PPARGC1A: variants seen among roughly 807,000 people sequenced by gnomAD.
PPARGC1A encodes peroxisome proliferator-activated receptor gamma coactivator 1-alpha.
In PPARGC1A, 25 loss-of-function variants were observed where a neutral mutation model predicts 88.7. The observed-to-expected ratio is 0.28, with a 90% CI of 0.21 to 0.39. The LOEUF (loss-of-function observed/expected upper bound fraction) is 0.39, where lower values mean the gene tolerates loss of function less well. PPARGC1A is among the 10% of genes least tolerant of loss of function. The pLI, the probability that PPARGC1A is intolerant of heterozygous loss-of-function variation, is 1.00. For synonymous variants in PPARGC1A, 363 were observed against 355.6 expected (o/e 1.02, Z -0.24); for missense variants, 880 against 968.7 (o/e 0.91, Z 1.22).
the PPARGC1A span, among the ~76,000 whole-genome samples, chr4:24,228,580 C>T: frequency 6.6e-6 from 1 of 151,944 alleles, no homozygotes; most frequent in South Asian, 2.1e-4. Context: ...CATGCATATC[C>T]CAAACCTCAG....
chr4:23,941,162 C>T, the PPARGC1A span, among the ~76,000 whole-genome samples: 6 of 152,160 alleles, frequency 3.9e-5, no homozygotes, highest in African/African-American at 1.4e-4. Context: ...AGCCATCCTC[C>T]CACCTTAGCC....
chr4:24,287,484 T>C, the PPARGC1A span, among the ~76,000 whole-genome samples: 1 of 152,140 alleles, frequency 6.6e-6, no homozygotes, highest in Non-Finnish European at 1.5e-5. Flanking sequence ...GCCACTTATC[T>C]ATGAATAAGG....
chr4:23,825,454 A>G lies in PPARGC1A; in HGVS notation c.758-946T>C, dbSNP rs141739431. ...AATGAAAATCATAGTGTCAAAACCA[A>G]AAAGGTCTTTAGAATAAAGTTTCTT... On this transcript the variant is annotated intron_variant, in intron 5 of 12. Coordinates refer to ENST00000264867, the MANE Select transcript of PPARGC1A (RefSeq NM_013261.5). 2.6e-5 allele frequency among the ~76,000 whole-genome samples: 4 copies of G among 152,254 alleles called. No individual in the cohort carries two copies. In the East Asian group the frequency reaches 7.7e-4, roughly 29 times the overall value.
chr4:24,336,734 C>T, the PPARGC1A span, among the ~76,000 whole-genome samples: 1 of 151,982 alleles, frequency 6.6e-6, no homozygotes. Context: ...AGATAGCTGG[C>T]TTTTTGTTTT....
At chr4:24,189,172 T>C in the PPARGC1A span, among the ~76,000 whole-genome samples, 5 of 152,102 alleles carry the variant, frequency 3.3e-5, no homozygotes, top group Admixed American at 2.6e-4. Context: ...TGAAAAATCA[T>C]CTGTTAGAGC....
the PPARGC1A span, among the ~76,000 whole-genome samples, chr4:24,438,923 A>G: frequency 1.1e-4 from 17 of 152,182 alleles, no homozygotes; most frequent in Admixed American, 3.9e-4. Context: ...TGTATTTTTT[A>G]ATTTATCATA....
At chr4:24,383,438 G>C in the PPARGC1A span, among the ~76,000 whole-genome samples, 1 of 152,050 alleles carries the variant, frequency 6.6e-6, no homozygotes, top group African/African-American at 2.4e-5. Context: ...CGAGCTAAAG[G>C]AGCATGTTCT....
the PPARGC1A span, among the ~76,000 whole-genome samples, chr4:24,289,022 C>T: frequency 6.6e-6 from 1 of 152,040 alleles, no homozygotes; most frequent in East Asian, 1.9e-4. Flanking sequence ...GAGTTCCAGG[C>T]CAGCCTGGCC....
chr4:24,457,459 A>T, the PPARGC1A span, among the ~76,000 whole-genome samples: 2 of 152,168 alleles, frequency 1.3e-5, no homozygotes, highest in African/African-American at 4.8e-5. Context: ...AACAATAATG[A>T]TGCCATAGGA....
the PPARGC1A span, among the ~76,000 whole-genome samples, chr4:24,071,811 C>A: frequency 6.6e-6 from 1 of 152,116 alleles, no homozygotes; most frequent in African/African-American, 2.4e-5. Context: ...CAGACCCTGT[C>A]TGAACTTTGG....
chr4:24,086,194 C>A, the PPARGC1A span, among the ~76,000 whole-genome samples: 1 of 152,188 alleles, frequency 6.6e-6, no homozygotes, highest in Admixed American at 6.5e-5. Context: ...AGCCCAGAGA[C>A]CTCAGTTTCT....
At chr4:24,410,612 T>C in the PPARGC1A span, among the ~76,000 whole-genome samples, 1 of 152,258 alleles carries the variant, frequency 6.6e-6, no homozygotes, top group South Asian at 2.1e-4. Flanking sequence ...TTTGAATCAG[T>C]GGTCGGGGTG....
the PPARGC1A span, among the ~76,000 whole-genome samples, chr4:24,097,517 T>C: frequency 6.6e-6 from 1 of 152,292 alleles, no homozygotes; most frequent in African/African-American, 2.4e-5. Context: ...TTTACTTCTG[T>C]TTTTGGTTTT....
At chr4:24,219,407 G>A in the PPARGC1A span, among the ~76,000 whole-genome samples, 1 of 152,134 alleles carries the variant, frequency 6.6e-6, no homozygotes, top group East Asian at 1.9e-4. Context: ...ACAGCAACCA[G>A]GTTATCTCCT....
intron 1 of PPARGC1A, among the ~76,000 whole-genome samples, chr4:23,886,881 CA>C (rs1717010108): frequency 7.0e-6 from 1 of 142,198 alleles, no homozygotes. Context: ...AAAACATGAA[CA>C]ACAAAAATAG....
the PPARGC1A span, among the ~76,000 whole-genome samples, chr4:24,281,318 C>T: frequency 6.6e-6 from 1 of 152,216 alleles, no homozygotes; most frequent in Non-Finnish European, 1.5e-5. Flanking sequence ...GTACAGGAAG[C>T]ATGGCATCAG....
the PPARGC1A span, among the ~76,000 whole-genome samples, chr4:23,946,123 A>C: frequency 2.0e-5 from 3 of 152,160 alleles, no homozygotes; most frequent in Non-Finnish European, 2.9e-5. Context: ...AATGAATCTC[A>C]CTTCATTAGC....
At chr4:24,204,817 TG>T in the PPARGC1A span, among the ~76,000 whole-genome samples, 1 of 152,088 alleles carries the variant, frequency 6.6e-6, no homozygotes, top group Non-Finnish European at 1.5e-5. Context: ...CACGTTTTTT[TG>T]TTTGGTTGTT....
the PPARGC1A span, among the ~76,000 whole-genome samples, chr4:24,436,779 C>G: frequency 7.1e-6 from 1 of 140,810 alleles, no homozygotes; most frequent in South Asian, 2.3e-4. Flanking sequence ...CCCCAGAGCC[C>G]GGGTCACAGA....
Sources: gnomAD v4.1 joint callset for allele counts (sites outside exome capture counted in the v4.1 genomes callset) on GRCh38, gnomAD v4.1.1 for gene constraint, MANE v1.5 for transcripts, NCBI Gene and HGNC (gene_info 2026-07-23, HGNC 2026-07-21) for gene names.